Variants in THSD7A observed in about 807,000 individuals in gnomAD.
THSD7A encodes the protein thrombospondin type-1 domain-containing protein 7A.
THSD7A carries 96 observed loss-of-function variants against 231.3 expected under a neutral mutation model. The observed-to-expected ratio is 0.41, with a 90% CI of 0.35 to 0.49. The LOEUF (loss-of-function observed/expected upper bound fraction) is 0.49, where lower values mean the gene tolerates loss of function less well. Ranked by LOEUF, THSD7A falls within the 20% of genes least tolerant of loss-of-function variation. The pLI is 0.05. For synonymous variants in THSD7A, 940 were observed against 743.3 expected, an observed-to-expected ratio of 1.26 and a Z score of -4.30; for missense variants, 2,290 against 2,070.2, an observed-to-expected ratio of 1.11 and a Z score of -2.06.
intron 2 of THSD7A, among the ~76,000 whole-genome samples, chr7:11,621,472 C>G (rs1289954170): frequency 6.6e-6 from 1 of 152,086 alleles, no homozygotes; most frequent in Admixed American, 6.6e-5. Flanking sequence ...CAACACAATC[C>G]TCATTTTCAT....
At position 11,377,717 on chromosome 7, in the gene THSD7A, T is replaced by C. The variant is rs935820322; in HGVS notation, c.4802-1060A>G. On this transcript the variant is annotated intron_variant, in intron 26 of 27. Coordinates refer to ENST00000423059, the MANE Select transcript of THSD7A (RefSeq NM_015204.3). This position sits in a 1 kb window ranked among gnomAD's most constrained non-coding sequence, Gnocchi z 4.5. ...GCTGTTCCACGATTGAGGATCTCTG[T>C]TGAGAGTTTCTTCAACAAATGTTTT... 2.6e-5 allele frequency among the ~76,000 whole-genome samples: 4 copies of C among 152,112 alleles called. No homozygotes were observed. Among genetic ancestry groups the C allele is most frequent in the Admixed American group, 2.6e-4 (4 of 15,226 alleles).
chr7:11,775,865 A>C (rs1783388924), intron 1 of THSD7A, among the ~76,000 whole-genome samples: 1 of 152,236 alleles, frequency 6.6e-6, no homozygotes, highest in South Asian at 2.1e-4. Context: ...AATTTTAAAA[A>C]TTCAAAAAGA....
chr7:11,599,805 G>A (rs11773397), intron 2 of THSD7A, among the ~76,000 whole-genome samples: 43,567 of 151,706 alleles, frequency 0.29, 6,507 homozygotes, highest in African/African-American at 0.35. Flanking sequence ...GTGTGTCTGT[G>A]AGGGTGTTGC....
Position 11,481,816 on chromosome 7 carries a change from TCGTG to T in THSD7A, c.1985_1988del (p.Ala662AspfsTer99), listed in dbSNP as rs1258017748. ...CTTCACCCGCATAGGCCAGAATGGATCGTGCTCGTATCTGTTTCCCTTCTGTCGT... is the reference window on the plus strand; with the variant it reads ...CTTCACCCGCATAGGCCAGAATGGATCTCGTATCTGTTTCCCTTCTGTCGT... On this transcript the variant is annotated frameshift_variant, in exon 7 of 28. Transcript: ENST00000423059. LOFTEE classifies it high-confidence loss of function. 1 of 1,613,376 alleles carries T rather than the reference TCGTG, an allele frequency of 6.2e-7. No individual in the cohort carries two copies. The highest frequency in any genetic ancestry group is 8.5e-7 in the Non-Finnish European group (1 of 1,179,604).
chr7:11,390,422 G>A (rs957560010), intron 23 of THSD7A, among the ~76,000 whole-genome samples: 55 of 152,080 alleles, frequency 3.6e-4, no homozygotes, highest in Non-Finnish European at 1.8e-4. Context: ...TATGCTTCAC[G>A]AAATTTTTGA....
At chr7:11,541,366 C>CAT in intron 6 of THSD7A, 53 bp downstream of exon 6, 1 of 1,547,612 alleles carries the variant, frequency 6.5e-7, no homozygotes, top group Non-Finnish European at 8.9e-7. Context: ...AAAGTAAAAA[C>CAT]ATATATGCAG....
Position 11,639,252 on chromosome 7 carries a change from T to C in THSD7A, c.191-2291A>G, listed in dbSNP as rs566698085. On this transcript the variant is annotated intron_variant, in intron 1 of 27. Coordinates refer to ENST00000423059, the MANE Select transcript of THSD7A (RefSeq NM_015204.3). The stretch of plus-strand genomic sequence containing the variant: ...TTAATTATGAAATTAGACTGACTAA[T>C]CAGATTGAGGCTACTAGTCTTTTAT... Among the ~76,000 whole-genome samples the C allele has an allele frequency of 3.9e-5, 6 of 152,348 alleles. No individual in the cohort carries two copies. The South Asian group carries it at 1.2e-3, about 32-fold the overall frequency.
intron 6 of THSD7A, among the ~76,000 whole-genome samples, chr7:11,502,947 T>G (rs923622562): frequency 6.6e-6 from 1 of 151,922 alleles, no homozygotes. Context: ...TTCTTCATTC[T>G]TCTAGAAAAA....
chr7:11,525,683 C>T (rs1307835325), intron 6 of THSD7A, among the ~76,000 whole-genome samples: 1 of 152,036 alleles, frequency 6.6e-6, no homozygotes, highest in Non-Finnish European at 1.5e-5. Context: ...AAAAGATATT[C>T]TTACCTACAT....
intron 1 of THSD7A, among the ~76,000 whole-genome samples, chr7:11,766,272 T>A (rs2128169865): frequency 6.6e-6 from 1 of 152,336 alleles, no homozygotes; most frequent in Admixed American, 6.5e-5. Flanking sequence ...AAGGCCAGCA[T>A]CAGTTGCAGC....
In THSD7A at chr7:11,375,520, T is replaced by G. The variant is rs112466200; in HGVS notation, c.*274A>C. On this transcript the variant is annotated 3_prime_UTR_variant, in exon 28 of 28. Coordinates refer to ENST00000423059, the MANE Select transcript of THSD7A (RefSeq NM_015204.3). ...TTTAGAGATGAAAGTGGTTTTTCAG[T>G]CGGTAGATTTCAGAAAAGATGACAT... 8.8e-4 allele frequency: 243 copies of G among 275,254 alleles called. 3 individuals carry two copies. The highest frequency in any genetic ancestry group is 5.0e-3 in the African/African-American group (227 of 45,648). 17.1% of individuals were successfully genotyped at this position (275,254 alleles called of 1,614,324 possible).
At position 11,636,227 on chromosome 7, in the gene THSD7A, G is replaced by A. The variant is rs1433954957; in HGVS notation, c.925C>T (p.Gln309Ter). 1 of 1,613,956 alleles carries A rather than the reference G, an allele frequency of 6.2e-7. No homozygotes were observed. The highest frequency in any genetic ancestry group is 1.1e-5 in the South Asian group (1 of 91,074). Residue 309 changes from glutamine (Q) to a stop codon, truncating the protein, a stop_gained, in exon 2 of 28, where the codon CAG (glutamine) becomes TAG (stop). Coordinates refer to ENST00000423059, the MANE Select transcript of THSD7A (RefSeq NM_015204.3). LOFTEE classifies it high-confidence loss of function. The surrounding 1 kb of genome is among the most constrained non-coding windows in gnomAD (Gnocchi z 10.0). ...LIKKKRNRNR[Q>*]NRQENKYWDI... is the part of the protein sequence containing the mutation. ...CAATATTTGTTCTCTTGTCTGTTCT[G>A]CCTGTTTCTGTTTCTCTTTTTCTTA...
At chr7:11,802,156 A>T (rs1299761200) in intron 1 of THSD7A, among the ~76,000 whole-genome samples, 1 of 152,084 alleles carries the variant, frequency 6.6e-6, no homozygotes, top group Non-Finnish European at 1.5e-5. Context: ...CTTGCTCCAT[A>T]CTTAGGAAAT....
At chr7:11,402,564 G>T (rs542101895) in intron 22 of THSD7A, among the ~76,000 whole-genome samples, 1 of 152,176 alleles carries the variant, frequency 6.6e-6, no homozygotes, top group Admixed American at 6.5e-5. Context: ...ATTTATTGAA[G>T]GATAACAAAC....
At chr7:11,523,295 T>C (rs756168993) in intron 6 of THSD7A, among the ~76,000 whole-genome samples, 4 of 152,046 alleles carry the variant, frequency 2.6e-5, no homozygotes, top group Non-Finnish European at 4.4e-5. Flanking sequence ...TTTTGAGAAA[T>C]GATTACTAAA....
At chr7:11,689,530 C>T (rs145484790) in intron 1 of THSD7A, among the ~76,000 whole-genome samples, 2 of 151,646 alleles carry the variant, frequency 1.3e-5, no homozygotes, top group African/African-American at 2.4e-5. Flanking sequence ...AAGAAGCCCA[C>T]GTTTTTTTCT....
At chr7:11,811,169 C>T (rs1280753882) in intron 1 of THSD7A, among the ~76,000 whole-genome samples, 1 of 152,008 alleles carries the variant, frequency 6.6e-6, no homozygotes, top group Non-Finnish European at 1.5e-5. Context: ...TGTCCATTAA[C>T]CAGACTTTGA....
intron 1 of THSD7A, among the ~76,000 whole-genome samples, chr7:11,720,180 C>T (rs1435068055): frequency 3.3e-5 from 5 of 151,782 alleles, no homozygotes; most frequent in African/African-American, 1.2e-4. Flanking sequence ...TGTCTTCTTA[C>T]TCAGCTCACA....
At chr7:11,656,313 C>A (rs1325968688) in intron 1 of THSD7A, among the ~76,000 whole-genome samples, 1 of 151,854 alleles carries the variant, frequency 6.6e-6, no homozygotes, top group Non-Finnish European at 1.5e-5. Context: ...ATTGCACTCA[C>A]AACAAATTAA....
Sources: gnomAD v4.1 joint callset for allele counts (sites outside exome capture counted in the v4.1 genomes callset) on GRCh38, gnomAD v4.1.1 for gene constraint, Gnocchi (gnomAD v3.1) non-coding constraint, MANE v1.5 for transcripts, NCBI Gene and HGNC (gene_info 2026-07-23, HGNC 2026-07-21) for gene names.